ELAPOR2: variants seen among roughly 807,000 people sequenced by gnomAD.
ELAPOR2 encodes endosome-lysosome associated apoptosis and autophagy regulator family member 2, also known as endosome/lysosome-associated apoptosis and autophagy regulator family member 2.
ELAPOR2 carries 89 observed loss-of-function variants against 120.7 expected under a neutral mutation model. The observed-to-expected ratio is 0.74, with a 90% CI of 0.62 to 0.88. The LOEUF (loss-of-function observed/expected upper bound fraction) is 0.88. ELAPOR2 is among the 40% of genes least tolerant of loss of function. ELAPOR2 has a pLI of 0.00. For synonymous variants in ELAPOR2, 444 were observed against 444.9 expected (o/e 1.00, Z 0.03); for missense variants, 1,134 against 1,251.6 (o/e 0.91, Z 1.42).
chr7:86,976,785 T>C (rs969001560), intron 1 of ELAPOR2, among the ~76,000 whole-genome samples: 1 of 152,136 alleles, frequency 6.6e-6, no homozygotes, highest in Admixed American at 6.5e-5. Context: ...CACTTGGATA[T>C]ACAAAGAACA....
chr7:86,901,550 C>G (rs762596202), intron 18 of ELAPOR2, among the ~76,000 whole-genome samples: 1 of 152,092 alleles, frequency 6.6e-6, no homozygotes, highest in Admixed American at 6.5e-5. Flanking sequence ...AGTATAAATA[C>G]GTTTTGCCAA....
intron 1 of ELAPOR2, among the ~76,000 whole-genome samples, chr7:86,996,164 C>A (rs1340052314): frequency 4.6e-5 from 7 of 152,172 alleles, no homozygotes; most frequent in African/African-American, 1.4e-4. Context: ...AACAGATTAC[C>A]AAGCTATGAT....
At chr7:86,949,421 G>A (rs1479522544) in intron 2 of ELAPOR2, among the ~76,000 whole-genome samples, 4 of 152,266 alleles carry the variant, frequency 2.6e-5, no homozygotes, top group East Asian at 1.9e-4. Flanking sequence ...GGGGAAGTGC[G>A]GACCAGGCAG....
Position 86,900,326 on chromosome 7 carries a change from C to T in ELAPOR2, c.2559-2694G>A, listed in dbSNP as rs958754975. 3.3e-5 allele frequency among the ~76,000 whole-genome samples: 5 copies of T among 152,234 alleles called. No individual in the cohort carries two copies. The South Asian group carries it at 1.0e-3, about 32-fold the overall frequency. On this transcript the variant is annotated intron_variant, in intron 18 of 21. Transcript: ENST00000450689. ...CTGGACACTCGAATGATTATGTTTT[C>T]CTACAAATGACTTAACTCCTTCTTT...
intron 1 of ELAPOR2, among the ~76,000 whole-genome samples, chr7:86,969,457 T>C (rs1179863257): frequency 2.0e-5 from 3 of 152,326 alleles, no homozygotes; most frequent in Non-Finnish European, 1.5e-5. Context: ...ATCTTAAATA[T>C]GATTTATGCA....
chr7:86,990,590 C>T (rs1562958659), intron 1 of ELAPOR2, among the ~76,000 whole-genome samples: 1 of 152,084 alleles, frequency 6.6e-6, no homozygotes, highest in East Asian at 1.9e-4. Flanking sequence ...CATTTCTTCA[C>T]ATGAAGAAAT....
At chr7:87,027,214 C>T (rs1794272967) in intron 1 of ELAPOR2, among the ~76,000 whole-genome samples, 1 of 152,112 alleles carries the variant, frequency 6.6e-6, no homozygotes, top group Non-Finnish European at 1.5e-5. Flanking sequence ...CTTCTACTAG[C>T]TTGCTGGTTC....
At chr7:87,026,363 A>C (rs919346856) in intron 1 of ELAPOR2, among the ~76,000 whole-genome samples, 2 of 152,060 alleles carry the variant, frequency 1.3e-5, no homozygotes, top group African/African-American at 2.4e-5. Context: ...TCTAGATTAA[A>C]AAATCTAGTC....
In ELAPOR2 at chr7:86,913,151, A is replaced by G; in HGVS notation, c.1785T>C (p.Asn595=). 1 of 1,614,070 alleles carries G rather than the reference A, an allele frequency of 6.2e-7. No individual in the cohort carries two copies. The highest frequency in any genetic ancestry group is 8.5e-7 in the Non-Finnish European group (1 of 1,179,974). The change falls in exon 14 of 22, where the codon AAT becomes AAC. Residue 595 remains asparagine, a synonymous_variant. Transcript: ENST00000450689. The part of the protein sequence containing the change: ...MVKIYSITAT[N]AVDGVASSCR... ...ATGAGGACGCCACCCCATCAACTGCATTAGTGGCTGTGATAGAATAAATCT... is the reference window on the plus strand; with the variant it reads ...ATGAGGACGCCACCCCATCAACTGCGTTAGTGGCTGTGATAGAATAAATCT...
intron 19 of ELAPOR2, 103 bp from the exon 20 acceptor site, chr7:86,893,203 A>G: frequency 1.1e-6 from 1 of 920,066 alleles, no homozygotes; most frequent in Non-Finnish European, 1.6e-6. Flanking sequence ...ACATAAAAGA[A>G]GAAAGGGTTT....
intron 1 of ELAPOR2, among the ~76,000 whole-genome samples, chr7:87,007,572 C>G (rs1428182087): frequency 6.6e-6 from 1 of 152,156 alleles, no homozygotes; most frequent in Non-Finnish European, 1.5e-5. Flanking sequence ...AAAGAACACT[C>G]AGTAGAACAA....
chr7:86,998,202 G>A (rs1419764657), intron 1 of ELAPOR2, among the ~76,000 whole-genome samples: 1 of 152,130 alleles, frequency 6.6e-6, no homozygotes, highest in Non-Finnish European at 1.5e-5. Context: ...AATTCATCAA[G>A]AAGGTATTCT....
At chr7:86,904,107 G>A (rs542791665) in intron 18 of ELAPOR2, among the ~76,000 whole-genome samples, 7 of 152,156 alleles carry the variant, frequency 4.6e-5, no homozygotes, top group South Asian at 4.1e-4. Flanking sequence ...ACAACCTGGC[G>A]CATCAGTGTT....
intron 21 of ELAPOR2, among the ~76,000 whole-genome samples, chr7:86,881,001 A>G (rs1799372380): frequency 6.6e-6 from 1 of 152,198 alleles, no homozygotes; most frequent in Non-Finnish European, 1.5e-5. Context: ...AGTTGAGTTC[A>G]CTAATATGTT....
intron 18 of ELAPOR2, among the ~76,000 whole-genome samples, chr7:86,906,296 TG>T (rs1415282917): frequency 6.6e-6 from 1 of 152,150 alleles, no homozygotes; most frequent in Non-Finnish European, 1.5e-5. Flanking sequence ...GCTTGGAGGC[TG>T]GCAGAGGGAT....
In ELAPOR2 at chr7:86,914,720, T is replaced by C. The variant is rs1389472118; in HGVS notation, c.1731+3A>G. The C allele has an allele frequency of 1.2e-6, 2 of 1,600,118 alleles. No individual in the cohort carries two copies. Among genetic ancestry groups the C allele is most frequent in the Non-Finnish European group, 1.7e-6 (2 of 1,175,010 alleles). ...ATTTTAAAAAAAAGTGCTTGGAACT[T>C]ACATCTTGACCCTGATTAGTTCTCT... is the stretch of plus-strand genomic sequence containing the variant. On this transcript the variant is annotated splice_donor_region_variant and intron_variant, in intron 13 of 21. Coordinates refer to ENST00000450689, the MANE Select transcript of ELAPOR2 (RefSeq NM_001142749.3).
intron 1 of ELAPOR2, among the ~76,000 whole-genome samples, chr7:87,020,200 A>G (rs1793995428): frequency 6.6e-6 from 1 of 152,116 alleles, no homozygotes; most frequent in Admixed American, 6.5e-5. Flanking sequence ...TGCATATTTT[A>G]AAAGACTGAA....
intron 12 of ELAPOR2, among the ~76,000 whole-genome samples, chr7:86,917,661 C>T (rs970205553): frequency 1.3e-5 from 2 of 152,070 alleles, no homozygotes; most frequent in African/African-American, 2.4e-5. Context: ...TTTACTGCCA[C>T]AAAGTGGATA....
At chr7:86,977,245 C>T (rs1262448085) in intron 1 of ELAPOR2, among the ~76,000 whole-genome samples, 3 of 152,150 alleles carry the variant, frequency 2.0e-5, no homozygotes, top group Non-Finnish European at 2.9e-5. Flanking sequence ...AGTAACCTCC[C>T]AATGTCATAG....
Sources: gnomAD v4.1 joint callset for allele counts (sites outside exome capture counted in the v4.1 genomes callset) on GRCh38, gnomAD v4.1.1 for gene constraint, MANE v1.5 for transcripts, NCBI Gene and HGNC (gene_info 2026-07-23, HGNC 2026-07-21) for gene names.